The following CEP128 variants were observed in gnomAD, a reference collection of about 807,000 sequenced individuals.
CEP128 encodes the protein centrosomal protein 128, also known as centrosomal protein 128kDa.
CEP128 carries 132 observed loss-of-function variants against 156.7 expected under a neutral mutation model. The observed-to-expected ratio is 0.84, with a 90% CI of 0.73 to 0.97. The LOEUF is 0.97. Among genes scored for constraint, CEP128 ranks in the 50% least tolerant of loss-of-function variants. The probability of loss-of-function intolerance (pLI) is 0.00; values close to 1 mark genes in which losing one functional copy is unlikely to be tolerated. For synonymous variants in CEP128, 469 were observed against 448.9 expected, an observed-to-expected ratio of 1.04 and a Z score of -0.57; for missense variants, 1,252 against 1,281.9, an observed-to-expected ratio of 0.98 and a Z score of 0.36.
Position 80,720,457 on chromosome 14 carries a change from A to T in CEP128, c.2806+22618T>A, listed in dbSNP as rs941723210. Among the ~76,000 whole-genome samples the T allele has an allele frequency of 2.6e-5, 4 of 152,342 alleles. No individual in the cohort carries two copies. The South Asian group carries it at 8.3e-4, about 32-fold the overall frequency. On this transcript the variant is annotated intron_variant, in intron 19 of 24. Coordinates refer to ENST00000555265, the MANE Select transcript of CEP128 (RefSeq NM_152446.5). Reference sequence around the variant, plus strand: ...GTGTCATTCCCTGCATTCCCAGCCAAGCCACATTCTACAAAGAAATCTCTT... The same window carrying T: ...GTGTCATTCCCTGCATTCCCAGCCATGCCACATTCTACAAAGAAATCTCTT...
At chr14:80,917,594 C>A (rs1372287857) in intron 2 of CEP128, among the ~76,000 whole-genome samples, 3 of 152,078 alleles carry the variant, frequency 2.0e-5, no homozygotes, top group Admixed American at 2.0e-4. Flanking sequence ...AGTGCAGTGG[C>A]ACGATCTCAG....
intron 20 of CEP128, among the ~76,000 whole-genome samples, chr14:80,578,981 C>T (rs1422722583): frequency 6.6e-6 from 1 of 152,108 alleles, no homozygotes; most frequent in Non-Finnish European, 1.5e-5. Context: ...ATGGACATTT[C>T]AGTAGAAAAT....
intron 19 of CEP128, among the ~76,000 whole-genome samples, chr14:80,739,385 G>A (rs1353240780): frequency 2.0e-5 from 3 of 152,080 alleles, no homozygotes; most frequent in Non-Finnish European, 4.4e-5. Context: ...TAACTCTTTT[G>A]CCCTTGTTCT....
At chr14:80,619,712 A>C (rs1225404816) in intron 19 of CEP128, among the ~76,000 whole-genome samples, 3 of 151,642 alleles carry the variant, frequency 2.0e-5, no homozygotes, top group Non-Finnish European at 4.4e-5. Flanking sequence ...CAAGTTAAAA[A>C]AAAAAAAAAA....
chr14:80,816,240 A>G (rs542362161), intron 13 of CEP128, among the ~76,000 whole-genome samples: 187 of 152,160 alleles, frequency 1.2e-3, no homozygotes, highest in African/African-American at 4.3e-3. Context: ...TCCACTCTAG[A>G]CAGGCATAGT....
At chr14:80,856,083 T>C (rs1223178280) in intron 9 of CEP128, among the ~76,000 whole-genome samples, 2 of 152,310 alleles carry the variant, frequency 1.3e-5, no homozygotes, top group Middle Eastern at 3.4e-3. Context: ...ACTTTAATTT[T>C]TCTTCATATG....
At chr14:80,508,702 C>A (rs1261136649) in intron 23 of CEP128, among the ~76,000 whole-genome samples, 1 of 152,092 alleles carries the variant, frequency 6.6e-6, no homozygotes, top group African/African-American at 2.4e-5. Flanking sequence ...ATTTTCATTT[C>A]AGCTGAAAAA....
intron 8 of CEP128, among the ~76,000 whole-genome samples, chr14:80,893,755 A>G (rs1889216590): frequency 6.6e-6 from 1 of 151,900 alleles, no homozygotes. Context: ...TCTTGGAGTT[A>G]CTCTATCCCT....
chr14:80,863,110 C>T (rs1016186840), intron 8 of CEP128, among the ~76,000 whole-genome samples: 2 of 152,076 alleles, frequency 1.3e-5, no homozygotes, highest in African/African-American at 4.8e-5. Context: ...CCAATAAATG[C>T]CTCAAATTTT....
In CEP128 at chr14:80,526,931, C is replaced by A. The variant is rs772254083; in HGVS notation, c.3010G>T (p.Val1004Phe). The A allele has an allele frequency of 3.7e-6, 6 of 1,610,952 alleles. No individual in the cohort carries two copies. The East Asian group carries it at 8.9e-5, about 24-fold the overall frequency. The change falls in exon 23 of 25, where the codon GTT becomes TTT. Residue 1004 changes from valine (V) to phenylalanine (F), a missense_variant. Val to Phe is a conservative substitution (Grantham distance 50). Coordinates refer to ENST00000555265, the MANE Select transcript of CEP128 (RefSeq NM_152446.5). ...TGATGCTGAAGAGAATTTCTGCGAA[C>A]CCTGTATTTGGAATATCTTCCATCA... Reference protein sequence around the residue: ...RTDGRYSKYRVRRNSLQHHQD... With the variant: ...RTDGRYSKYRFRRNSLQHHQD...
chr14:80,785,598 T>G, intron 14 of CEP128, 53 bp from the exon 15 acceptor site: 1 of 1,332,682 alleles, frequency 7.5e-7, no homozygotes, highest in Non-Finnish European at 1.0e-6. Context: ...TACTGTAAAA[T>G]TCACCATAGA....
At chr14:80,667,257 G>T (rs1895654478) in intron 19 of CEP128, among the ~76,000 whole-genome samples, 1 of 152,178 alleles carries the variant, frequency 6.6e-6, no homozygotes, top group South Asian at 2.1e-4. Flanking sequence ...AGACCATGAG[G>T]CTGACTGAAG....
At chr14:80,731,786 C>G (rs1898284081) in intron 19 of CEP128, among the ~76,000 whole-genome samples, 1 of 152,092 alleles carries the variant, frequency 6.6e-6, no homozygotes, top group Non-Finnish European at 1.5e-5. Flanking sequence ...GCCAAATATA[C>G]TAGTTTCAAA....
intron 20 of CEP128, among the ~76,000 whole-genome samples, chr14:80,559,862 A>T (rs529731791): frequency 9.0e-4 from 137 of 152,354 alleles, no homozygotes; most frequent in Admixed American, 2.5e-3. Context: ...TTCATTGTCT[A>T]CAGCATCTTA....
At chr14:80,608,489 A>G (rs1440715959) in intron 19 of CEP128, among the ~76,000 whole-genome samples, 1 of 152,210 alleles carries the variant, frequency 6.6e-6, no homozygotes, top group African/African-American at 2.4e-5. Flanking sequence ...CTTAAAATCA[A>G]TCATTTCCCA....
At chr14:80,719,688 C>A (rs190513147) in intron 19 of CEP128, among the ~76,000 whole-genome samples, 1 of 152,134 alleles carries the variant, frequency 6.6e-6, no homozygotes, top group Admixed American at 6.5e-5. Flanking sequence ...TAAAAAGTCA[C>A]CCCAATGAGT....
intron 13 of CEP128, among the ~76,000 whole-genome samples, chr14:80,802,546 G>C (rs1435102097): frequency 1.3e-5 from 2 of 150,612 alleles, no homozygotes; most frequent in South Asian, 2.1e-4. Flanking sequence ...GTTGGGGAGT[G>C]GGGGGTGAGG....
At chr14:80,678,395 T>C (rs556717426) in intron 19 of CEP128, among the ~76,000 whole-genome samples, 1 of 150,282 alleles carries the variant, frequency 6.7e-6, no homozygotes, top group South Asian at 2.1e-4. Context: ...CCTAAATCTG[T>C]ATCAGAATAA....
chr14:80,616,048 A>G (rs1893198346), intron 19 of CEP128, among the ~76,000 whole-genome samples: 1 of 152,146 alleles, frequency 6.6e-6, no homozygotes, highest in African/African-American at 2.4e-5. Flanking sequence ...AACCAATGAA[A>G]CTAAAACCAC....
Sources: gnomAD v4.1 joint callset for allele counts (sites outside exome capture counted in the v4.1 genomes callset) on GRCh38, gnomAD v4.1.1 for gene constraint, MANE v1.5 for transcripts, NCBI Gene and HGNC (gene_info 2026-07-23, HGNC 2026-07-21) for gene names.